The following UBXN2B variants were observed in gnomAD, a reference collection of about 807,000 sequenced individuals.
The protein encoded by UBXN2B is UBX domain protein 2B, also known as UBX domain-containing protein 2B.
Under a neutral mutation model 37.5 loss-of-function variants are expected in UBXN2B, and 19 were observed. The ratio of observed to expected loss-of-function variants is 0.51; its 90% CI spans 0.35 to 0.74. The LOEUF is 0.74. Among genes scored for constraint, UBXN2B ranks in the 30% least tolerant of loss-of-function variants. UBXN2B has a pLI of 0.01. For synonymous variants in UBXN2B, 145 were observed against 143.8 expected (o/e 1.01, Z -0.06); for missense variants, 370 against 393.2 (o/e 0.94, Z 0.50).
chr8:58,430,489 G>C, intron 2 of UBXN2B, 30 bp from the exon 3 acceptor site: 1 of 1,460,270 alleles, frequency 6.8e-7, no homozygotes, highest in Non-Finnish European at 9.1e-7. Context: ...GTTATCCTAA[G>C]TTTTTATTCA....
rs554699499 is a variant in UBXN2B, at chr8:58,423,697, A to C, written c.188+6744A>C. ...TGATCCGCCAGCCTCGGCCTCCCAA[A>C]GTGCTGGGATTACAGGCGTGAGCCA... On this transcript the variant is annotated intron_variant, in intron 2 of 7. Coordinates refer to ENST00000399598, the MANE Select transcript of UBXN2B (RefSeq NM_001077619.2). 2.5e-4 allele frequency among the ~76,000 whole-genome samples: 38 copies of C among 150,746 alleles called. 1 individual carries two copies. The highest frequency in any genetic ancestry group is 2.2e-3 in the Admixed American group (33 of 15,158).
At chr8:58,423,435 G>A (rs1013299663) in intron 2 of UBXN2B, among the ~76,000 whole-genome samples, 1 of 146,048 alleles carries the variant, frequency 6.8e-6, no homozygotes, top group South Asian at 2.2e-4. Flanking sequence ...TTTTTTTTTT[G>A]TTGTTGTTTT....
intron 1 of UBXN2B, among the ~76,000 whole-genome samples, chr8:58,414,982 CATCT>C (rs1189420237): frequency 6.6e-6 from 1 of 152,092 alleles, no homozygotes; most frequent in Non-Finnish European, 1.5e-5. Flanking sequence ...ATTTAAAATA[CATCT>C]ATCTATATCT....
At chr8:58,438,158 T>A (rs569621197) in intron 5 of UBXN2B, among the ~76,000 whole-genome samples, 1 of 152,176 alleles carries the variant, frequency 6.6e-6, no homozygotes, top group Non-Finnish European at 1.5e-5. Flanking sequence ...ACTGTAAGCC[T>A]TGGTGGCTTT....
At chr8:58,434,900 G>A (rs1808373736) in intron 5 of UBXN2B, 1 of 1,535,608 alleles carries the variant, frequency 6.5e-7, no homozygotes, top group South Asian at 1.2e-5. Flanking sequence ...AGCAACTTAT[G>A]TTAGAAATCT....
At chr8:58,411,621 G>A in intron 1 of UBXN2B, 152 bp downstream of exon 1, 1 of 587,000 alleles carries the variant, frequency 1.7e-6, no homozygotes, top group Non-Finnish European at 2.5e-6. Flanking sequence ...TCCCGATGTC[G>A]GGTCTTGACA....
intron 5 of UBXN2B, among the ~76,000 whole-genome samples, chr8:58,435,489 TATAA>T (rs980803051): frequency 6.6e-6 from 1 of 152,092 alleles, no homozygotes; most frequent in Non-Finnish European, 1.5e-5. Context: ...AAATACAGGA[TATAA>T]TGGTTTAAGT....
rs189104194 is a variant in UBXN2B at position 58,440,400 on chromosome 8, G to A, written c.671+630G>A. Among the ~76,000 whole-genome samples, 3 of 152,268 alleles carry A rather than the reference G, an allele frequency of 2.0e-5. No individual in the cohort carries two copies. In the East Asian group the frequency reaches 5.8e-4, roughly 29 times the overall value. On this transcript the variant is annotated intron_variant, in intron 6 of 7. Coordinates refer to ENST00000399598, the MANE Select transcript of UBXN2B (RefSeq NM_001077619.2). Reference sequence around the variant, plus strand: ...AGCCAAACCCTTTTTTCAAGTCATGGAAGTGCAATATGTAAAACCTGAGCT... The same window carrying A: ...AGCCAAACCCTTTTTTCAAGTCATGAAAGTGCAATATGTAAAACCTGAGCT...
intron 6 of UBXN2B, among the ~76,000 whole-genome samples, chr8:58,441,348 C>CGTGTGTATATATAT (rs1242681481): frequency 1.9e-5 from 2 of 104,660 alleles, no homozygotes; most frequent in African/African-American, 8.0e-5. Flanking sequence ...TTGTGATCAA[C>CGTGTGTATATATAT]ATATATATAT....
At chr8:58,444,931 G>C (rs1414088730) in intron 6 of UBXN2B, among the ~76,000 whole-genome samples, 2 of 152,174 alleles carry the variant, frequency 1.3e-5, no homozygotes, top group Non-Finnish European at 2.9e-5. Context: ...TGATGATTTA[G>C]ATTGGACTAA....
At chr8:58,418,228 A>G (rs1477982209) in intron 2 of UBXN2B, among the ~76,000 whole-genome samples, 2 of 145,946 alleles carry the variant, frequency 1.4e-5, no homozygotes, top group East Asian at 4.3e-4. Flanking sequence ...ATGATGGAGA[A>G]GGACTCTGTC....
chr8:58,439,269 G>A (rs563312122), intron 5 of UBXN2B, among the ~76,000 whole-genome samples: 12 of 152,236 alleles, frequency 7.9e-5, no homozygotes, highest in Middle Eastern at 3.4e-3. Context: ...TCAATTTTCA[G>A]AACTTTCTCC....
rs760253071 is a variant in UBXN2B, at chr8:58,447,564, C to G, written c.*13C>G. On this transcript the variant is annotated 3_prime_UTR_variant, in exon 8 of 8. Coordinates refer to ENST00000399598, the MANE Select transcript of UBXN2B (RefSeq NM_001077619.2). ...GCAACTAAAATAATATTGTTCCTGT[C>G]CATGCAGTAGCATGTGGGAATAGAT... The G allele has an allele frequency of 6.3e-7, 1 of 1,593,520 alleles. No individual in the cohort carries two copies. Among genetic ancestry groups the G allele is most frequent in the Non-Finnish European group, 8.6e-7 (1 of 1,167,822 alleles).
chr8:58,433,220 T>G lies in UBXN2B; in HGVS notation c.400T>G (p.Tyr134Asp). Residue 134 changes from tyrosine to aspartate, a missense_variant, in exon 4 of 8, where the codon TAT (tyrosine) becomes GAT (aspartate). This residue lies in a region of UBXN2B where 197 missense variants were observed against 170.2 expected (regional missense o/e 1.16). Coordinates refer to ENST00000399598, the MANE Select transcript of UBXN2B (RefSeq NM_001077619.2). Reference protein sequence around the residue: ...SSFCKRSEYIYGENQLQDVQI... With the variant: ...SSFCKRSEYIDGENQLQDVQI... ...TTTTTGTAAGCGGTCTGAATATATC[T>G]ATGGAGAAAATCAGCTGCAAGATGT... 5 of 1,610,840 alleles carry G rather than the reference T, an allele frequency of 3.1e-6. No homozygotes were observed. The highest frequency in any genetic ancestry group is 4.2e-6 in the Non-Finnish European group (5 of 1,178,366).
intron 2 of UBXN2B, chr8:58,425,751 A>G (rs1463607652): frequency 1.7e-6 from 2 of 1,152,680 alleles, no homozygotes; most frequent in East Asian, 2.4e-5. Flanking sequence ...ACTGTACCCC[A>G]TGTTTCCATC....
At chr8:58,425,718 T>G in intron 2 of UBXN2B, 2 of 1,178,560 alleles carry the variant, frequency 1.7e-6, no homozygotes, top group Non-Finnish European at 2.5e-6. Flanking sequence ...CGAGTCGTGT[T>G]AAGGGGCTAC....
chr8:58,425,728 C>A (rs765156815), intron 2 of UBXN2B: 1 of 1,176,126 alleles, frequency 8.5e-7, no homozygotes, highest in Non-Finnish European at 1.3e-6. Context: ...TAAGGGGCTA[C>A]GTGAGTTGTA....
At chr8:58,424,532 T>G in intron 2 of UBXN2B, 1 of 812,196 alleles carries the variant, frequency 1.2e-6, no homozygotes, top group Non-Finnish European at 2.1e-6. Flanking sequence ...TTTGATCTTT[T>G]TAGGGAGAGA....
chr8:58,414,554 A>AT (rs1383690467), intron 1 of UBXN2B, among the ~76,000 whole-genome samples: 1 of 152,040 alleles, frequency 6.6e-6, no homozygotes, highest in East Asian at 1.9e-4. Flanking sequence ...ACGTTTTGAG[A>AT]TTTTTTTGTT....
Sources: gnomAD v4.1 joint callset for allele counts (sites outside exome capture counted in the v4.1 genomes callset) on GRCh38, gnomAD v4.1.1 for gene constraint, gnomAD v4.1.1 regional missense constraint, MANE v1.5 for transcripts, NCBI Gene and HGNC (gene_info 2026-07-23, HGNC 2026-07-21) for gene names.